The following KIAA1217 variants were observed in gnomAD, a reference collection of about 807,000 sequenced individuals.
KIAA1217 encodes KIAA1217.
In KIAA1217, 88 loss-of-function variants were observed where a neutral mutation model predicts 163.9. That is an observed-to-expected ratio of 0.54 (90% CI 0.45 to 0.64). The LOEUF (loss-of-function observed/expected upper bound fraction) is 0.64, where lower values mean the gene tolerates loss of function less well. Ranked by LOEUF, KIAA1217 falls within the 30% of genes least tolerant of loss-of-function variation. KIAA1217 has a pLI of 0.00. For missense variants in KIAA1217, 2,372 were observed against 2,475.0 expected, an observed-to-expected ratio of 0.96 and a Z score of 0.88; for synonymous variants, 903 against 923.1, an observed-to-expected ratio of 0.98 and a Z score of 0.39.
intron 2 of KIAA1217, among the ~76,000 whole-genome samples, chr10:24,119,754 C>G (rs2063204378): frequency 6.6e-6 from 1 of 152,168 alleles, no homozygotes; most frequent in Non-Finnish European, 1.5e-5. Context: ...TTAAAGTTTG[C>G]TATTGGAGGG....
At chr10:24,356,731 C>T (rs1180373288) in intron 2 of KIAA1217, among the ~76,000 whole-genome samples, 1 of 152,202 alleles carries the variant, frequency 6.6e-6, no homozygotes, top group Non-Finnish European at 1.5e-5. Flanking sequence ...TTCCACAATT[C>T]CACCATGGGA....
chr10:24,289,087 C>G lies in KIAA1217; in HGVS notation c.354+69178C>G, dbSNP rs556965905. On this transcript the variant is annotated intron_variant, in intron 2 of 20. Transcript: ENST00000376454. ...CTACTGGCTCTTAACCTGCCTCATC[C>G]TATGCCAAGTTTATAAACATATTTC... Among the ~76,000 whole-genome samples the G allele has an allele frequency of 5.3e-5, 8 of 152,260 alleles. 1 individual carries two copies. The highest frequency in any genetic ancestry group is 1.9e-4 in the African/African-American group (8 of 41,560).
rs575082632 is a variant in KIAA1217 at position 23,790,377 on chromosome 10, G to A, written c.-321+95143G>A. 1.3e-4 allele frequency among the ~76,000 whole-genome samples: 9 copies of A among 67,630 alleles called. 3 individuals carry two copies. The highest frequency in any genetic ancestry group is 1.5e-4 in the African/African-American group (2 of 13,414). The allele number at this position is 67,630 out of a possible 152,430, so 44.4% of individuals were successfully genotyped here. On this transcript the variant is annotated intron_variant, in intron 1 of 18. Transcript: ENST00000376462. ...TATATGCATATATACATATACATAT[G>A]TATATATACATATGTATATATACAT... is the stretch of plus-strand genomic sequence containing the variant.
chr10:24,238,085 A>G (rs983886541), intron 2 of KIAA1217, among the ~76,000 whole-genome samples: 1 of 152,216 alleles, frequency 6.6e-6, no homozygotes, highest in African/African-American at 2.4e-5. Flanking sequence ...AGACAGATGC[A>G]CTGAATATGT....
chr10:24,088,222 C>T (rs1307916639), intron 2 of KIAA1217, among the ~76,000 whole-genome samples: 1 of 111,008 alleles, frequency 9.0e-6, no homozygotes, highest in Non-Finnish European at 2.1e-5. Flanking sequence ...ACATCCCAAA[C>T]TTGTGTCCTC....
In KIAA1217 at chr10:24,545,887, G is replaced by A; in HGVS notation, c.5395G>A (p.Ala1799Thr). 6.2e-7 allele frequency: 1 copy of A among 1,613,840 alleles called. No homozygotes were observed. Among genetic ancestry groups the A allele is most frequent in the Non-Finnish European group, 8.5e-7 (1 of 1,179,918 alleles). Residue 1799 changes from alanine (A) to threonine (T), a missense_variant, in exon 21 of 21, where the codon GCT becomes ACT. Around this residue, in one of 3 missense-constraint regions of KIAA1217, gnomAD observed 690 missense variants for 677.5 expected, o/e 1.02. Transcript: ENST00000376454. ...TAAGCCTACTTCCCCCTCCTTACCT[G>A]CTTCTAAGATTCCAGCCCTTTCTCC... is the stretch of plus-strand genomic sequence containing the variant. ...DFKPTSPSLPASKIPALSPSS... is the reference protein window; with the variant it reads ...DFKPTSPSLPTSKIPALSPSS...
chr10:24,041,978 A>T (rs1370005659), intron 2 of KIAA1217, among the ~76,000 whole-genome samples: 1 of 151,614 alleles, frequency 6.6e-6, no homozygotes, highest in Admixed American at 6.6e-5. Flanking sequence ...CATATTCCCT[A>T]TTGCAGCATC....
At chr10:23,802,038 A>G (rs1836491529) in intron 1 of KIAA1217, among the ~76,000 whole-genome samples, 1 of 152,218 alleles carries the variant, frequency 6.6e-6, no homozygotes, top group Non-Finnish European at 1.5e-5. Flanking sequence ...GTCATTCAGG[A>G]CCTTCTTGGA....
chr10:24,443,196 C>G (rs2060644622), intron 5 of KIAA1217, among the ~76,000 whole-genome samples: 1 of 152,142 alleles, frequency 6.6e-6, no homozygotes, highest in Admixed American at 6.6e-5. Flanking sequence ...GCTACTGCGC[C>G]TGGACAGTAA....
At chr10:23,937,830 G>A (rs1023330097) in intron 1 of KIAA1217, among the ~76,000 whole-genome samples, 8 of 152,276 alleles carry the variant, frequency 5.3e-5, no homozygotes, top group African/African-American at 1.4e-4. Context: ...ATGTAGGACA[G>A]GGATGCCTGA....
rs1374020434 is a variant in KIAA1217, at chr10:24,520,644, A to AAAG, written c.2308+393_2308+394insGAA. Among the ~76,000 whole-genome samples the AAAG allele has an allele frequency of 5.5e-3, 495 of 89,840 alleles. 5 individuals are homozygous for AAAG. The highest frequency in any genetic ancestry group is 0.027 in the African/African-American group (480 of 17,692). 58.9% of individuals were successfully genotyped at this position (89,840 alleles called of 152,430 possible). ...ATCTCTACCAAAAAAAAAAAAAAAA[A>AAAG]AAAAAAAATATATATATATATATAT... On this transcript the variant is annotated intron_variant, in intron 11 of 20. Coordinates refer to ENST00000376454, the MANE Select transcript of KIAA1217 (RefSeq NM_019590.5).
chr10:24,047,852 A>T (rs1173676560), intron 2 of KIAA1217, among the ~76,000 whole-genome samples: 2 of 152,214 alleles, frequency 1.3e-5, no homozygotes, highest in Admixed American at 6.5e-5. Flanking sequence ...AGACCAGTGC[A>T]CAGTGAAGTA....
chr10:24,186,049 C>A (rs2066414010), intron 2 of KIAA1217, among the ~76,000 whole-genome samples: 1 of 151,972 alleles, frequency 6.6e-6, no homozygotes, highest in Non-Finnish European at 1.5e-5. Flanking sequence ...TTCTCCTCCC[C>A]TTCCCAACAC....
intron 2 of KIAA1217, among the ~76,000 whole-genome samples, chr10:24,149,486 A>G (rs1236561479): frequency 1.3e-5 from 2 of 149,610 alleles, no homozygotes; most frequent in African/African-American, 2.5e-5. Context: ...GCCTGGCCCT[A>G]TTTTTTTTTA....
At chr10:23,787,314 T>C (rs1564418748) in intron 1 of KIAA1217, among the ~76,000 whole-genome samples, 1 of 152,172 alleles carries the variant, frequency 6.6e-6, no homozygotes, top group Non-Finnish European at 1.5e-5. Flanking sequence ...CTTTCAATAA[T>C]TACTGGTTAC....
intron 1 of KIAA1217, among the ~76,000 whole-genome samples, chr10:23,793,604 G>T (rs1836062380): frequency 6.6e-6 from 1 of 152,222 alleles, no homozygotes; most frequent in South Asian, 2.1e-4. Flanking sequence ...GAAAAATAAT[G>T]TCTTGGCTGT....
At chr10:23,818,800 CA>C (rs1346867512) in intron 1 of KIAA1217, among the ~76,000 whole-genome samples, 1 of 152,204 alleles carries the variant, frequency 6.6e-6, no homozygotes, top group Non-Finnish European at 1.5e-5. Context: ...GAAGAAATCA[CA>C]GCTCTGTAAG....
At chr10:24,064,415 T>C (rs931528407) in intron 2 of KIAA1217, among the ~76,000 whole-genome samples, 5 of 152,234 alleles carry the variant, frequency 3.3e-5, no homozygotes, top group African/African-American at 1.2e-4. Context: ...GATTTTGTCT[T>C]TGGTTCTGTT....
chr10:23,827,654 T>C (rs893927609), intron 1 of KIAA1217, among the ~76,000 whole-genome samples: 2 of 152,210 alleles, frequency 1.3e-5, no homozygotes, highest in East Asian at 1.9e-4. Flanking sequence ...AGCAGAACTA[T>C]CTGGGGAGCT....
Sources: allele counts gnomAD v4.1 joint callset (sites outside exome capture counted in the v4.1 genomes callset), GRCh38; gene constraint gnomAD v4.1.1; regional missense constraint gnomAD v4.1.1; transcripts MANE v1.5; gene names NCBI Gene and HGNC (gene_info 2026-07-23, HGNC 2026-07-21).